The following SESN3 variants were observed in gnomAD, a reference collection of about 807,000 sequenced individuals.
The protein encoded by SESN3 is sestrin 3, also known as sestrin-3.
A neutral mutation model predicts 55.3 loss-of-function variants in SESN3; 21 were observed. The ratio of observed to expected loss-of-function variants is 0.38; its 90% CI spans 0.27 to 0.55. The LOEUF is 0.55. Among genes scored for constraint, SESN3 ranks in the 20% least tolerant of loss-of-function variants. The probability of loss-of-function intolerance (pLI) is 0.76; values close to 1 mark genes in which losing one functional copy is unlikely to be tolerated. For missense variants in SESN3, 408 were observed against 604.3 expected (o/e 0.68, Z 3.41); for synonymous variants, 181 against 203.1 (o/e 0.89, Z 0.93).
chr11:95,198,842 T>C (rs1197243933), intron 1 of SESN3, among the ~76,000 whole-genome samples: 1 of 152,200 alleles, frequency 6.6e-6, no homozygotes, highest in Non-Finnish European at 1.5e-5. Flanking sequence ...ATAGTGTTGC[T>C]TTGTAATATT....
At chr11:95,182,077 T>G (rs10831316) in intron 6 of SESN3, 87,566 of 271,852 alleles carry the variant, frequency 0.32, 15,274 homozygotes, top group Non-Finnish European at 0.36. Flanking sequence ...TCCAAGACTT[T>G]CTAGTCAAAA....
rs1020726719 is a variant in SESN3 at position 95,167,924 on chromosome 11, A to G, written c.*5331T>C. The stretch of plus-strand genomic sequence containing the variant: ...AAGTGCGGCTAGGAGAATAAAGACT[A>G]CAAAGTCAATGCATTTTCTTTTCAT... On this transcript the variant is annotated 3_prime_UTR_variant, in exon 10 of 10. Coordinates refer to ENST00000536441, the MANE Select transcript of SESN3 (RefSeq NM_144665.4). The G allele has an allele frequency of 7.9e-5, 12 of 152,180 alleles. No homozygotes were observed. Among genetic ancestry groups the G allele is most frequent in the Non-Finnish European group, 1.8e-4 (12 of 68,020 alleles). 9.4% of individuals were successfully genotyped at this position (152,180 alleles called of 1,614,324 possible).
chr11:95,195,439 T>C (rs1443391287), intron 1 of SESN3, among the ~76,000 whole-genome samples: 2 of 152,186 alleles, frequency 1.3e-5, no homozygotes, highest in African/African-American at 4.8e-5. Context: ...GATTTCTTCA[T>C]TTATTTAGCA....
At chr11:95,206,720 A>C (rs1022983221) in intron 1 of SESN3, among the ~76,000 whole-genome samples, 1 of 152,108 alleles carries the variant, frequency 6.6e-6, no homozygotes, top group South Asian at 2.1e-4. Flanking sequence ...CCTGTACTTA[A>C]GGTTTCAGTG....
chr11:95,231,176 A>ACCGCCG lies in SESN3; in HGVS notation c.-317_-316insCGGCGG, dbSNP rs1555124858. 4 of 264,586 alleles carry ACCGCCG rather than the reference A, an allele frequency of 1.5e-5. No homozygotes were observed. Among genetic ancestry groups the ACCGCCG allele is most frequent in the African/African-American group, 2.9e-5 (1 of 34,244 alleles). The allele number at this position is 264,586 out of a possible 1,614,324, so 16.4% of individuals were successfully genotyped here. A position where few individuals can be genotyped will look rare whatever the true frequency, so the allele number is the denominator to read the frequency against. The stretch of plus-strand genomic sequence containing the variant: ...AGCAGCCGCCACCGCTGCCACCGCC[A>ACCGCCG]CCACCGCCGCCGCAGCGCCTCAGTG... On this transcript the variant is annotated 5_prime_UTR_variant, in exon 1 of 10. Coordinates refer to ENST00000536441, the MANE Select transcript of SESN3 (RefSeq NM_144665.4).
chr11:95,217,665 A>AG (rs1396939227), intron 1 of SESN3, among the ~76,000 whole-genome samples: 2 of 151,524 alleles, frequency 1.3e-5, no homozygotes, highest in Admixed American at 1.3e-4. Context: ...AAAAAAAAAA[A>AG]AAAGCTTAAT....
chr11:95,221,739 T>C (rs913004419), intron 1 of SESN3, among the ~76,000 whole-genome samples: 24 of 152,216 alleles, frequency 1.6e-4, no homozygotes, highest in Admixed American at 1.3e-4. Context: ...ATTAGAAGTG[T>C]TGGGCAGCAT....
chr11:95,191,618 A>G lies in SESN3; in HGVS notation c.145-17T>C, dbSNP rs757134568. ...TTGGACAACCTTATAACCAAAAAAA[A>G]CAAAACAAAATGACTATTGAGACAT... is the stretch of plus-strand genomic sequence containing the variant. On this transcript the variant is annotated splice_polypyrimidine_tract_variant and intron_variant, in intron 2 of 9. Coordinates refer to ENST00000536441, the MANE Select transcript of SESN3 (RefSeq NM_144665.4). The G allele has an allele frequency of 1.6e-5, 25 of 1,604,788 alleles. No homozygotes were observed. Among genetic ancestry groups the G allele is most frequent in the Non-Finnish European group, 2.1e-5 (25 of 1,172,606 alleles).
Position 95,173,353 on chromosome 11 carries a change from A to G in SESN3, c.1393-12T>C. 6.4e-7 allele frequency: 1 copy of G among 1,560,348 alleles called. No homozygotes were observed. Among genetic ancestry groups the G allele is most frequent in the Non-Finnish European group, 8.8e-7 (1 of 1,134,096 alleles). Reference sequence around the variant, plus strand: ...AGATTGACATGAACCTAGAAGTGAAAATGTTATCAGTTTAGTAACCATTAT... The same window carrying G: ...AGATTGACATGAACCTAGAAGTGAAGATGTTATCAGTTTAGTAACCATTAT... On this transcript the variant is annotated splice_polypyrimidine_tract_variant and intron_variant, in intron 9 of 9. Transcript: ENST00000536441.
chr11:95,191,069 CA>C (rs1440280993), intron 3 of SESN3, among the ~76,000 whole-genome samples: 1 of 151,938 alleles, frequency 6.6e-6, no homozygotes, highest in Non-Finnish European at 1.5e-5. Flanking sequence ...ATGTCACAAA[CA>C]ACTTGTGTTT....
intron 9 of SESN3, among the ~76,000 whole-genome samples, chr11:95,174,166 T>C (rs1189173714): frequency 2.2e-4 from 34 of 152,194 alleles, no homozygotes; most frequent in Non-Finnish European, 3.2e-4. Flanking sequence ...AAAAATCTGT[T>C]AGGTACTGAA....
chr11:95,203,256 TAGAGG>T (rs1435649550), intron 1 of SESN3, among the ~76,000 whole-genome samples: 2 of 152,130 alleles, frequency 1.3e-5, no homozygotes, highest in Non-Finnish European at 2.9e-5. Context: ...TTACTCAGCT[TAGAGG>T]AATCAGGGAA....
In SESN3 at chr11:95,210,506, A is replaced by C. The variant is rs1390037722; in HGVS notation, c.79-16984T>G. Among the ~76,000 whole-genome samples, 3 of 152,232 alleles carry C rather than the reference A, an allele frequency of 2.0e-5. No homozygotes were observed. The East Asian group carries it at 5.8e-4, about 29-fold the overall frequency. On this transcript the variant is annotated intron_variant, in intron 1 of 9. Transcript: ENST00000536441. ...CGTAACAATGTAACACCAGATATGA[A>C]TGGATGGAGCTCATAATACACTGGT...
rs1859750121 is a variant in SESN3 at position 95,166,416 on chromosome 11, C to T, written c.*6839G>A. The T allele has an allele frequency of 6.6e-6, 1 of 152,180 alleles. No individual in the cohort carries two copies. Among genetic ancestry groups the T allele is most frequent in the African/African-American group, 2.4e-5 (1 of 41,440 alleles). The allele number at this position is 152,180 out of a possible 1,614,324, so 9.4% of individuals were successfully genotyped here. A position where few individuals can be genotyped will look rare whatever the true frequency, so the allele number is the denominator to read the frequency against. On this transcript the variant is annotated 3_prime_UTR_variant, in exon 10 of 10. Coordinates refer to ENST00000536441, the MANE Select transcript of SESN3 (RefSeq NM_144665.4). ...TTAAAGAGCTATAACAGACATTTCACAGCATGCTACATATATCGCTCACAA... is the reference window on the plus strand; with the variant it reads ...TTAAAGAGCTATAACAGACATTTCATAGCATGCTACATATATCGCTCACAA...
intron 1 of SESN3, among the ~76,000 whole-genome samples, chr11:95,194,560 T>C (rs1770455429): frequency 6.6e-6 from 1 of 152,084 alleles, no homozygotes; most frequent in Non-Finnish European, 1.5e-5. Flanking sequence ...GAAATAAATA[T>C]ATTAAACAAT....
At chr11:95,220,023 C>A (rs190351500) in intron 1 of SESN3, among the ~76,000 whole-genome samples, 8 of 152,202 alleles carry the variant, frequency 5.3e-5, no homozygotes, top group African/African-American at 1.9e-4. Flanking sequence ...ATAGCAGAAC[C>A]ACATCTCGCC....
At chr11:95,189,064 C>A (rs1266786128) in intron 4 of SESN3, among the ~76,000 whole-genome samples, 1 of 151,838 alleles carries the variant, frequency 6.6e-6, no homozygotes, top group Non-Finnish European at 1.5e-5. Flanking sequence ...AAACCAAGGA[C>A]ATTTCTATGC....
chr11:95,184,250 G>A (rs1860119352), intron 6 of SESN3, 170 bp downstream of exon 6: 1 of 622,558 alleles, frequency 1.6e-6, no homozygotes, highest in African/African-American at 1.8e-5. Flanking sequence ...TACATTCAAG[G>A]ATGAACCAGC....
At chr11:95,221,732 A>G (rs1860862847) in intron 1 of SESN3, among the ~76,000 whole-genome samples, 1 of 152,220 alleles carries the variant, frequency 6.6e-6, no homozygotes, top group Non-Finnish European at 1.5e-5. Context: ...ATACCTTATT[A>G]GAAGTGTTGG....
Sources: gnomAD v4.1 joint callset for allele counts (sites outside exome capture counted in the v4.1 genomes callset) on GRCh38, gnomAD v4.1.1 for gene constraint, MANE v1.5 for transcripts, NCBI Gene and HGNC (gene_info 2026-07-23, HGNC 2026-07-21) for gene names.